Variants in BST1 observed in about 807,000 individuals in gnomAD.
BST1 encodes bone marrow stromal cell antigen 1.
BST1 carries 49 observed loss-of-function variants against 40.6 expected under a neutral mutation model. The ratio of observed to expected loss-of-function variants is 1.21; its 90% CI spans 0.96 to 1.53. The LOEUF (loss-of-function observed/expected upper bound fraction) is 1.53. Among genes scored for constraint, BST1 ranks in the 40% most tolerant of loss-of-function variants. The pLI is 0.00. For missense variants in BST1, 423 were observed against 395.9 expected, an observed-to-expected ratio of 1.07 and a Z score of -0.58; for synonymous variants, 157 against 159.3, an observed-to-expected ratio of 0.99 and a Z score of 0.11.
chr4:15,741,331 C>G (rs2148901624), downstream of BST1, among the ~76,000 whole-genome samples: 1 of 152,190 alleles, frequency 6.6e-6, no homozygotes, highest in South Asian at 2.1e-4. Flanking sequence ...CCCGAGAATT[C>G]TGTGCTCCTA....
At chr4:15,716,774 G>A (rs1194558327) in intron 6 of BST1, among the ~76,000 whole-genome samples, 1 of 152,132 alleles carries the variant, frequency 6.6e-6, no homozygotes, top group Non-Finnish European at 1.5e-5. Context: ...GCTCTCTCTG[G>A]AAGTTATACT....
the BST1 span, among the ~76,000 whole-genome samples, chr4:15,744,798 A>G: frequency 6.6e-6 from 1 of 152,256 alleles, no homozygotes; most frequent in African/African-American, 2.4e-5. Context: ...TACAAAAATT[A>G]TCTAAATTTG....
chr4:15,727,532 ACT>A (rs1212729586), intron 8 of BST1, among the ~76,000 whole-genome samples: 1 of 152,144 alleles, frequency 6.6e-6, no homozygotes, highest in Admixed American at 6.5e-5. Flanking sequence ...TTATTTAATC[ACT>A]CTAATAATAA....
Position 15,704,868 on chromosome 4 carries a change from A to G in BST1, c.189-647A>G, listed in dbSNP as rs1051006624. On this transcript the variant is annotated intron_variant, in intron 1 of 8. Coordinates refer to ENST00000265016, the MANE Select transcript of BST1 (RefSeq NM_004334.3). ...TTCCTTCTGTGGCCCCCCTTTTCTT[A>G]TGTTTGTGATGTCTTTCTTGTGCTG... The G allele has an allele frequency of 2.3e-5, 16 of 704,830 alleles. No individual in the cohort carries two copies. In the Admixed American group the frequency reaches 3.2e-4, roughly 14 times the overall value. The allele number at this position is 704,830 out of a possible 1,614,324, so 43.7% of individuals were successfully genotyped here.
At chr4:15,724,239 C>T (rs1041457363) in intron 8 of BST1, among the ~76,000 whole-genome samples, 1 of 152,220 alleles carries the variant, frequency 6.6e-6, no homozygotes, top group Non-Finnish European at 1.5e-5. Context: ...TTTTTCATTA[C>T]AGTTGCACAT....
chr4:15,757,449 G>A, the BST1 span, among the ~76,000 whole-genome samples: 1 of 151,936 alleles, frequency 6.6e-6, no homozygotes, highest in Non-Finnish European at 1.5e-5. Flanking sequence ...CTGTGACCTT[G>A]GCTGAACAGA....
intron 4 of BST1, among the ~76,000 whole-genome samples, chr4:15,714,217 A>G (rs148635476): frequency 6.6e-6 from 1 of 152,274 alleles, no homozygotes; most frequent in East Asian, 1.9e-4. Flanking sequence ...CATGGAGTGT[A>G]TTGTTTGGTA....
intron 7 of BST1, among the ~76,000 whole-genome samples, chr4:15,720,354 C>T (rs1327129262): frequency 6.6e-6 from 1 of 152,062 alleles, no homozygotes; most frequent in East Asian, 1.9e-4. Flanking sequence ...TGCAGTGGCT[C>T]ATACCTGTAA....
chr4:15,747,927 T>G, the BST1 span, among the ~76,000 whole-genome samples: 1 of 152,228 alleles, frequency 6.6e-6, no homozygotes, highest in Admixed American at 6.5e-5. Context: ...TCCTTCTTCC[T>G]TGGCCTCCTA....
intron 7 of BST1, among the ~76,000 whole-genome samples, chr4:15,721,876 G>A (rs1328453730): frequency 6.9e-6 from 1 of 145,206 alleles, no homozygotes; most frequent in Non-Finnish European, 1.5e-5. Context: ...CAGAAGACAT[G>A]GCATGCCATA....
At chr4:15,759,411 A>G in the BST1 span, among the ~76,000 whole-genome samples, 14 of 151,966 alleles carry the variant, frequency 9.2e-5, no homozygotes, top group African/African-American at 3.4e-4. Flanking sequence ...TGCAGATTTG[A>G]TAACACTGTG....
intron 4 of BST1, among the ~76,000 whole-genome samples, chr4:15,713,026 C>T (rs1014361946): frequency 2.6e-5 from 4 of 152,176 alleles, no homozygotes; most frequent in Admixed American, 2.0e-4. Context: ...CCACCTTATA[C>T]TTCCTCCAAT....
At chr4:15,768,134 G>C in the BST1 span, among the ~76,000 whole-genome samples, 4 of 152,206 alleles carry the variant, frequency 2.6e-5, no homozygotes, top group African/African-American at 9.7e-5. Flanking sequence ...TTGGTTACCA[G>C]TGTGTTAGGC....
At chr4:15,721,250 GCCTT>G (rs1720793583) in intron 7 of BST1, among the ~76,000 whole-genome samples, 1 of 152,166 alleles carries the variant, frequency 6.6e-6, no homozygotes, top group Non-Finnish European at 1.5e-5. Context: ...AGGTGGCATT[GCCTT>G]CTGCCCCACA....
chr4:15,717,797 A>C (rs886987822), intron 6 of BST1, among the ~76,000 whole-genome samples: 1 of 152,246 alleles, frequency 6.6e-6, no homozygotes, highest in Non-Finnish European at 1.5e-5. Context: ...CTGGCAGGTC[A>C]GCAAGAGACT....
the BST1 span, among the ~76,000 whole-genome samples, chr4:15,771,465 A>C: frequency 6.6e-6 from 1 of 152,224 alleles, no homozygotes; most frequent in East Asian, 1.9e-4. Flanking sequence ...TCACAAACCA[A>C]GTGATGTAGC....
downstream of BST1, among the ~76,000 whole-genome samples, chr4:15,741,165 C>A (rs1480303252): frequency 6.6e-6 from 1 of 152,032 alleles, no homozygotes; most frequent in Non-Finnish European, 1.5e-5. Context: ...CTGCTACAGA[C>A]AAGTAGAATC....
chr4:15,758,040 G>A, the BST1 span, among the ~76,000 whole-genome samples: 1 of 152,074 alleles, frequency 6.6e-6, no homozygotes, highest in Non-Finnish European at 1.5e-5. Context: ...TTATAATTGT[G>A]TATATTTCTG....
chr4:15,732,152 A>C lies in BST1; in HGVS notation c.*307A>C. 9.0e-7 allele frequency: 1 copy of C among 1,105,490 alleles called. No homozygotes were observed. 68.5% of individuals were successfully genotyped at this position (1,105,490 alleles called of 1,614,324 possible). ...TTATCAAACATTTTAAGAGAATTCT[A>C]ATAAAGCTGTATTTTACATCATCTA... is the stretch of plus-strand genomic sequence containing the variant. On this transcript the variant is annotated 3_prime_UTR_variant, in exon 9 of 9. Coordinates refer to ENST00000265016, the MANE Select transcript of BST1 (RefSeq NM_004334.3).
Sources: gnomAD v4.1 joint callset for allele counts (sites outside exome capture counted in the v4.1 genomes callset) on GRCh38, gnomAD v4.1.1 for gene constraint, MANE v1.5 for transcripts, NCBI Gene and HGNC (gene_info 2026-07-23, HGNC 2026-07-21) for gene names.